The following DNAJC19 variants were observed in gnomAD, a reference collection of about 807,000 sequenced individuals.
The protein encoded by DNAJC19 is mitochondrial import inner membrane translocase subunit TIM14.
A neutral mutation model predicts 19.8 loss-of-function variants in DNAJC19; 15 were observed. The observed-to-expected ratio is 0.76, with a 90% CI of 0.51 to 1.17. DNAJC19 has a LOEUF of 1.17. Ranked by LOEUF, DNAJC19 falls within the 50% of genes most tolerant of loss-of-function variation. DNAJC19 has a pLI of 0.00. For missense variants in DNAJC19, 105 were observed against 140.9 expected (o/e 0.75, Z 1.29); for synonymous variants, 38 against 42.1 (o/e 0.90, Z 0.38).
chr3:180,988,137 A>G (rs777376187), intron 2 of DNAJC19, 41 bp from the exon 3 acceptor site: 7 of 1,614,082 alleles, frequency 4.3e-6, no homozygotes, highest in Admixed American at 1.7e-5. Context: ...TAAATCTCCA[A>G]TCTCCCCGAC....
Position 180,984,103 on chromosome 3 carries a change from A to G in DNAJC19, c.*537T>C. On this transcript the variant is annotated 3_prime_UTR_variant, in exon 6 of 6. Coordinates refer to ENST00000382564, the MANE Select transcript of DNAJC19 (RefSeq NM_145261.4). ...GTTTATATGTACATAGAATACACAC[A>G]CACACACACCCCTAGGTCAATTTCT... 4.4e-6 allele frequency: 2 copies of G among 454,070 alleles called. No homozygotes were observed. Among genetic ancestry groups the G allele is most frequent in the Non-Finnish European group, 8.8e-6 (2 of 226,770 alleles). The allele number at this position is 454,070 out of a possible 1,614,324, so 28.1% of individuals were successfully genotyped here.
At chr3:180,986,246 C>T (rs551707824) in intron 4 of DNAJC19, among the ~76,000 whole-genome samples, 5 of 151,396 alleles carry the variant, frequency 3.3e-5, no homozygotes, top group South Asian at 4.2e-4. Flanking sequence ...TGATAAGAAA[C>T]GCATGTTTAA....
In DNAJC19 at chr3:180,987,390, G is replaced by A. The variant is rs376461559; in HGVS notation, c.130-368C>T. ...CAAGAACAGAAGTCTTTTGAGACAAGAGGTTCAAGTGTATTTGAAACAAGA... is the reference window on the plus strand; with the variant it reads ...CAAGAACAGAAGTCTTTTGAGACAAAAGGTTCAAGTGTATTTGAAACAAGA... On this transcript the variant is annotated intron_variant, in intron 3 of 5. Transcript: ENST00000382564. The A allele has an allele frequency of 2.3e-5, 7 of 301,672 alleles. No individual in the cohort carries two copies. In the East Asian group the frequency reaches 5.9e-4, roughly 25 times the overall value. 18.7% of individuals were successfully genotyped at this position (301,672 alleles called of 1,614,324 possible).
rs2108506866 is a variant in DNAJC19 at position 180,984,600 on chromosome 3, C to T, written c.*40G>A. 2 of 1,442,452 alleles carry T rather than the reference C, an allele frequency of 1.4e-6. No individual in the cohort carries two copies. Among genetic ancestry groups the T allele is most frequent in the Non-Finnish European group, 9.6e-7 (1 of 1,038,328 alleles). 89.4% of individuals were successfully genotyped at this position (1,442,452 alleles called of 1,614,324 possible). On this transcript the variant is annotated 3_prime_UTR_variant, in exon 6 of 6. Coordinates refer to ENST00000382564, the MANE Select transcript of DNAJC19 (RefSeq NM_145261.4). ...ATTATAAAAACTTAGTACTCATATA[C>T]ATAAACTAATACGAACTTAAAATTC... is the stretch of plus-strand genomic sequence containing the variant.
At chr3:180,986,088 C>A (rs1714891143) in intron 4 of DNAJC19, 92 bp from the exon 5 acceptor site, 2 of 1,023,314 alleles carry the variant, frequency 2.0e-6, no homozygotes, top group Admixed American at 3.7e-5. Flanking sequence ...CACTGTGAAA[C>A]TGTAGTAAAT....
chr3:180,989,427 A>G, intron 1 of DNAJC19, 173 bp downstream of exon 1: 1 of 1,463,978 alleles, frequency 6.8e-7, no homozygotes. Flanking sequence ...ACAAACCCCC[A>G]AGAGAGCGAG....
intron 3 of DNAJC19, chr3:180,987,357 A>AAC (rs1350986771): frequency 1.2e-5 from 4 of 325,098 alleles, no homozygotes; most frequent in African/African-American, 2.2e-5. Context: ...AATCTGCAAG[A>AAC]AGTGGCTCAA....
chr3:180,985,426 C>T (rs1805636), intron 5 of DNAJC19: 2,430 of 159,536 alleles, frequency 0.015, 28 homozygotes, highest in Non-Finnish European at 0.023. Flanking sequence ...ATGTCAAAAC[C>T]CTTTTTATTA....
At chr3:180,986,147 C>T (rs1482528141) in intron 4 of DNAJC19, 151 bp from the exon 5 acceptor site, 9 of 675,886 alleles carry the variant, frequency 1.3e-5, no homozygotes, top group East Asian at 8.2e-5. Flanking sequence ...ACACCCAATG[C>T]GTATCCTAAA....
rs1560037227 is a variant in DNAJC19, at chr3:180,983,787, A to T, written c.*853T>A. On this transcript the variant is annotated 3_prime_UTR_variant, in exon 6 of 6. Transcript: ENST00000382564. ...AATTAAATATGTTGATATTGAGAACATTTCAGTTTTCAGTTTTGCTAACAG... is the reference window on the plus strand; with the variant it reads ...AATTAAATATGTTGATATTGAGAACTTTTCAGTTTTCAGTTTTGCTAACAG... 1 of 453,810 alleles carries T rather than the reference A, an allele frequency of 2.2e-6. No individual in the cohort carries two copies. Among genetic ancestry groups the T allele is most frequent in the Non-Finnish European group, 4.4e-6 (1 of 226,658 alleles). 28.1% of individuals were successfully genotyped at this position (453,810 alleles called of 1,614,324 possible).
intron 2 of DNAJC19, 33 bp downstream of exon 2, chr3:180,988,145 G>T (rs771517436): frequency 6.2e-7 from 1 of 1,614,008 alleles, no homozygotes; most frequent in Non-Finnish European, 8.5e-7. Context: ...CAATCTCCCC[G>T]ACTTCACTTC....
At chr3:180,987,913 A>G (rs943963667) in intron 3 of DNAJC19, 110 bp downstream of exon 3, 67 of 1,306,826 alleles carry the variant, frequency 5.1e-5, no homozygotes, top group Non-Finnish European at 7.1e-5. Flanking sequence ...AAGCAGGAGA[A>G]TGGGTCCAAA....
At position 180,984,278 on chromosome 3, in the gene DNAJC19, TA is replaced by T. The variant is rs1337254745; in HGVS notation, c.*361del. ...TTAAGCTAATTTCCATCATACTATTTATCACAGTCTAATTACCAGTTTATCA... is the reference window on the plus strand; with the variant it reads ...TTAAGCTAATTTCCATCATACTATTTTCACAGTCTAATTACCAGTTTATCA... On this transcript the variant is annotated 3_prime_UTR_variant, in exon 6 of 6. Transcript: ENST00000382564. 12 of 455,356 alleles carry T rather than the reference TA, an allele frequency of 2.6e-5. No individual in the cohort carries two copies. Among genetic ancestry groups the T allele is most frequent in the Non-Finnish European group, 5.3e-5 (12 of 227,768 alleles). The allele number at this position is 455,356 out of a possible 1,614,324, so 28.2% of individuals were successfully genotyped here. A position where few individuals can be genotyped will look rare whatever the true frequency, so the allele number is the denominator to read the frequency against.
chr3:180,986,897 C>T, intron 4 of DNAJC19, 46 bp downstream of exon 4: 1 of 1,488,604 alleles, frequency 6.7e-7, no homozygotes, highest in Non-Finnish European at 9.4e-7. Context: ...TTCCTCATGG[C>T]TCTACAGTGG....
rs1392973174 is a variant in DNAJC19 at position 180,983,894 on chromosome 3, A to AT, written c.*745dup. The AT allele has an allele frequency of 2.2e-6, 1 of 454,048 alleles. No individual in the cohort carries two copies. Among genetic ancestry groups the AT allele is most frequent in the Non-Finnish European group, 4.4e-6 (1 of 226,770 alleles). 28.1% of individuals were successfully genotyped at this position (454,048 alleles called of 1,614,324 possible). ...CTGAAGGAATAATTTATAAATGGTC[A>AT]TTACCTTTAAGGGGCTAGCTGAATA... On this transcript the variant is annotated 3_prime_UTR_variant, in exon 6 of 6. Coordinates refer to ENST00000382564, the MANE Select transcript of DNAJC19 (RefSeq NM_145261.4).
chr3:180,984,326 T>C lies in DNAJC19; in HGVS notation c.*314A>G. The stretch of plus-strand genomic sequence containing the variant: ...ATCAGTCTCCCATTAAAGTGGGGGC[T>C]CCCTGAGAGCAAGGACTGTCATCTT... On this transcript the variant is annotated 3_prime_UTR_variant, in exon 6 of 6. Coordinates refer to ENST00000382564, the MANE Select transcript of DNAJC19 (RefSeq NM_145261.4). The C allele has an allele frequency of 2.2e-6, 1 of 464,188 alleles. No individual in the cohort carries two copies. Among genetic ancestry groups the C allele is most frequent in the Non-Finnish European group, 4.3e-6 (1 of 233,500 alleles). The allele number at this position is 464,188 out of a possible 1,614,324, so 28.8% of individuals were successfully genotyped here.
At chr3:180,989,437 G>A in intron 1 of DNAJC19, 163 bp downstream of exon 1, 3 of 1,475,456 alleles carry the variant, frequency 2.0e-6, no homozygotes, top group Non-Finnish European at 2.7e-6. Context: ...AAGAGAGCGA[G>A]CCAACAGGGT....
In DNAJC19 at chr3:180,989,275, G is replaced by A. The variant is rs1805641; in HGVS notation, c.3+325C>T. Reference sequence around the variant, plus strand: ...GTGCTGTGAAGATGTGTTAGGGCAAGGGCACTTATAATCAAATACGTTTCC... The same window carrying A: ...GTGCTGTGAAGATGTGTTAGGGCAAAGGCACTTATAATCAAATACGTTTCC... On this transcript the variant is annotated intron_variant, in intron 1 of 5. Coordinates refer to ENST00000382564, the MANE Select transcript of DNAJC19 (RefSeq NM_145261.4). The A allele has an allele frequency of 4.6e-3, 6,066 of 1,326,868 alleles. 21 individuals carry two copies. The highest frequency in any genetic ancestry group is 5.3e-3 in the Non-Finnish European group (5,493 of 1,031,098). 82.2% of individuals were successfully genotyped at this position (1,326,868 alleles called of 1,614,324 possible).
At chr3:180,985,854 TGA>T in intron 5 of DNAJC19, 70 bp downstream of exon 5, 1 of 1,303,990 alleles carries the variant, frequency 7.7e-7, no homozygotes, top group Non-Finnish European at 1.1e-6. Context: ...GCCAGGAATT[TGA>T]GATAAAATTA....
Sources: gnomAD v4.1 joint callset for allele counts (sites outside exome capture counted in the v4.1 genomes callset) on GRCh38, gnomAD v4.1.1 for gene constraint, MANE v1.5 for transcripts, NCBI Gene and HGNC (gene_info 2026-07-23, HGNC 2026-07-21) for gene names.